RANBP2: variants seen among roughly 807,000 people sequenced by gnomAD.
The protein encoded by RANBP2 is E3 SUMO-protein ligase RanBP2.
RANBP2 carries 57 observed loss-of-function variants against 303.6 expected under a neutral mutation model. That is an observed-to-expected ratio of 0.19 (90% CI 0.15 to 0.23). RANBP2 has a LOEUF of 0.23. Among genes scored for constraint, RANBP2 ranks in the 10% least tolerant of loss-of-function variants. The probability of loss-of-function intolerance (pLI) is 1.00; values close to 1 mark genes in which losing one functional copy is unlikely to be tolerated. For synonymous variants in RANBP2, 1,167 were observed against 1,301.5 expected (o/e 0.90, Z 2.23); for missense variants, 3,138 against 3,780.8 (o/e 0.83, Z 4.46).
intron 12 of RANBP2, among the ~76,000 whole-genome samples, chr2:108,752,546 G>A (rs1374470207): frequency 1.3e-5 from 2 of 149,360 alleles, no homozygotes; most frequent in South Asian, 2.1e-4. Flanking sequence ...GCCGAGGCGG[G>A]CAGATCACAA....
chr2:109,143,629 C>T, the RANBP2 span, among the ~76,000 whole-genome samples: 2 of 151,994 alleles, frequency 1.3e-5, no homozygotes, highest in East Asian at 1.9e-4. Flanking sequence ...TGGTGCATGC[C>T]TGTAGTCCTA....
At chr2:108,908,267 G>T in the RANBP2 span, among the ~76,000 whole-genome samples, 10 of 152,128 alleles carry the variant, frequency 6.6e-5, no homozygotes, top group Non-Finnish European at 1.3e-4. Flanking sequence ...CGTCTAAGGG[G>T]CTGGGGCTGC....
the RANBP2 span, among the ~76,000 whole-genome samples, chr2:108,810,866 T>C: frequency 5.3e-5 from 8 of 152,236 alleles, no homozygotes; most frequent in East Asian, 1.9e-4. Context: ...TTGTTACTTA[T>C]GATTGGTCTG....
At chr2:109,428,542 C>T in the RANBP2 span, among the ~76,000 whole-genome samples, 1 of 152,220 alleles carries the variant, frequency 6.6e-6, no homozygotes, top group East Asian at 1.9e-4. Context: ...TGCACACCTG[C>T]CGCGGCCACT....
chr2:108,894,179 G>GTT, the RANBP2 span, among the ~76,000 whole-genome samples: 2 of 152,156 alleles, frequency 1.3e-5, no homozygotes, highest in African/African-American at 4.8e-5. Flanking sequence ...AGACAAGACA[G>GTT]TTTGTTACAC....
the RANBP2 span, among the ~76,000 whole-genome samples, chr2:109,326,686 G>T: frequency 6.6e-6 from 1 of 152,162 alleles, no homozygotes; most frequent in South Asian, 2.1e-4. Flanking sequence ...TCTTTTTCTT[G>T]AAAGATCTAT....
chr2:109,377,974 G>A, the RANBP2 span, among the ~76,000 whole-genome samples: 6 of 152,260 alleles, frequency 3.9e-5, no homozygotes, highest in Non-Finnish European at 7.3e-5. Context: ...CACACTCCGC[G>A]TTCTGCACTA....
the RANBP2 span, among the ~76,000 whole-genome samples, chr2:108,810,393 A>T: frequency 6.6e-6 from 1 of 152,198 alleles, no homozygotes; most frequent in Non-Finnish European, 1.5e-5. Flanking sequence ...TTCTGTGTCT[A>T]TTGAAATGAT....
At chr2:109,571,825 C>T in the RANBP2 span, among the ~76,000 whole-genome samples, 1 of 152,162 alleles carries the variant, frequency 6.6e-6, no homozygotes. Flanking sequence ...TGAACAAGTG[C>T]TCATTAGCTC....
chr2:109,461,502 C>T, the RANBP2 span, among the ~76,000 whole-genome samples: 2 of 8,208 alleles, frequency 2.4e-4, no homozygotes, highest in Admixed American at 9.7e-4. Context: ...TAAAGACCTG[C>T]GCGGTGATCC....
At chr2:109,495,868 G>T in the RANBP2 span, among the ~76,000 whole-genome samples, 1 of 152,130 alleles carries the variant, frequency 6.6e-6, no homozygotes, top group Non-Finnish European at 1.5e-5. Context: ...TATAATACTT[G>T]TAAATCACCT....
intron 7 of RANBP2, among the ~76,000 whole-genome samples, chr2:108,744,579 G>A (rs527654892): frequency 1.2e-4 from 19 of 152,262 alleles, no homozygotes; most frequent in Admixed American, 3.3e-4. Context: ...CTTATTTTGT[G>A]TGCTCTTTTC....
At chr2:109,564,802 A>T in the RANBP2 span, among the ~76,000 whole-genome samples, 1 of 152,236 alleles carries the variant, frequency 6.6e-6, no homozygotes, top group African/African-American at 2.4e-5. Flanking sequence ...ACCAAAAAAG[A>T]CACAACTTAT....
At chr2:109,516,967 C>A in the RANBP2 span, among the ~76,000 whole-genome samples, 1 of 152,284 alleles carries the variant, frequency 6.6e-6, no homozygotes, top group Admixed American at 6.5e-5. Context: ...GAGCCCCAGC[C>A]CAGTCCTCCA....
At chr2:109,567,837 G>C in the RANBP2 span, 2 of 1,609,422 alleles carry the variant, frequency 1.2e-6, no homozygotes, top group South Asian at 1.1e-5. Context: ...GTTGACCTTA[G>C]CAATAGTGTC....
At chr2:109,053,033 C>T in the RANBP2 span, among the ~76,000 whole-genome samples, 1 of 152,210 alleles carries the variant, frequency 6.6e-6, no homozygotes, top group African/African-American at 2.4e-5. Flanking sequence ...TTCTCCTGGT[C>T]CAAATTTACA....
At chr2:109,008,656 A>C in the RANBP2 span, among the ~76,000 whole-genome samples, 3 of 151,708 alleles carry the variant, frequency 2.0e-5, no homozygotes, top group Non-Finnish European at 4.4e-5. Context: ...TAATCCCAGC[A>C]TTTTGAGAGG....
chr2:109,677,781 T>C, the RANBP2 span, among the ~76,000 whole-genome samples: 1 of 152,210 alleles, frequency 6.6e-6, no homozygotes, highest in Admixed American at 6.5e-5. Flanking sequence ...GCCAAGGCCT[T>C]CCTGAGGAAG....
At chr2:109,758,721 A>T in the RANBP2 span, 2 of 149,088 alleles carry the variant, frequency 1.3e-5, no homozygotes, top group African/African-American at 5.0e-5. Flanking sequence ...TCACTACCCT[A>T]CCCCAAGCCC....
Sources: allele counts gnomAD v4.1 joint callset (sites outside exome capture counted in the v4.1 genomes callset), GRCh38; gene constraint gnomAD v4.1.1; transcripts MANE v1.5; gene names NCBI Gene and HGNC (gene_info 2026-07-23, HGNC 2026-07-21).